The following CBLB variants were observed in gnomAD, a reference collection of about 807,000 sequenced individuals.
CBLB encodes E3 ubiquitin-protein ligase CBL-B.
CBLB carries 31 observed loss-of-function variants against 104.9 expected under a neutral mutation model. The observed-to-expected ratio is 0.30, with a 90% CI of 0.22 to 0.40. CBLB has a LOEUF of 0.40. Ranked by LOEUF, CBLB falls within the 10% of genes least tolerant of loss-of-function variation. The pLI is 1.00. For missense variants in CBLB, 1,062 were observed against 1,214.6 expected, an observed-to-expected ratio of 0.87 and a Z score of 1.87; for synonymous variants, 440 against 422.6, an observed-to-expected ratio of 1.04 and a Z score of -0.51.
chr3:105,794,133 G>C (rs1437182713), intron 3 of CBLB, among the ~76,000 whole-genome samples: 1 of 152,052 alleles, frequency 6.6e-6, no homozygotes, highest in Non-Finnish European at 1.5e-5. Context: ...AGATTTATTT[G>C]GGCATAAAAT....
chr3:105,787,276 G>A (rs1218992859), intron 3 of CBLB, among the ~76,000 whole-genome samples: 1 of 152,112 alleles, frequency 6.6e-6, no homozygotes, highest in African/African-American at 2.4e-5. Context: ...GACCTTCTTG[G>A]ATACTTGGTT....
chr3:105,675,007 G>GTTA (rs1436529591), intron 17 of CBLB, among the ~76,000 whole-genome samples: 3 of 152,188 alleles, frequency 2.0e-5, no homozygotes, highest in Non-Finnish European at 4.4e-5. Flanking sequence ...AAGTCAATGA[G>GTTA]CTATAAGGCT....
intron 3 of CBLB, among the ~76,000 whole-genome samples, chr3:105,786,268 T>G (rs563428227): frequency 1.3e-5 from 2 of 152,262 alleles, no homozygotes; most frequent in East Asian, 3.9e-4. Context: ...TTACTATGGT[T>G]TTTCTTTCTT....
rs771494601 is a variant in CBLB, at chr3:105,740,650, T to G, written c.846-19A>C. On this transcript the variant is annotated intron_variant, in intron 6 of 18. Transcript: ENST00000394030. ...AATATAGCTGCAAAACATAAGAAAA[T>G]TACATCTAATTACATTCAGAATATA... 1.9e-6 allele frequency: 3 copies of G among 1,595,404 alleles called. No homozygotes were observed. The South Asian group carries it at 3.3e-5, about 18-fold the overall frequency.
intron 8 of CBLB, 81 bp downstream of exon 8, chr3:105,737,090 A>G: frequency 1.6e-6 from 1 of 640,298 alleles, no homozygotes; most frequent in Non-Finnish European, 2.8e-6. Flanking sequence ...GCATGATTTT[A>G]ACTACACTAA....
At chr3:105,673,682 C>A (rs562726947) in intron 17 of CBLB, 21 of 152,340 alleles carry the variant, frequency 1.4e-4, no homozygotes, top group African/African-American at 4.8e-4. Context: ...TGGTTTAAAT[C>A]CTCCAGTGTC....
intron 3 of CBLB, among the ~76,000 whole-genome samples, chr3:105,793,357 T>C (rs570905872): frequency 5.3e-5 from 8 of 151,732 alleles, no homozygotes; most frequent in African/African-American, 1.9e-4. Flanking sequence ...AAGGGTAAAA[T>C]GAACTAAGGG....
intron 3 of CBLB, among the ~76,000 whole-genome samples, chr3:105,817,583 C>T (rs944274698): frequency 2.0e-5 from 3 of 152,078 alleles, no homozygotes; most frequent in Admixed American, 6.6e-5. Flanking sequence ...AAAAAACTAT[C>T]GGGAGATGCA....
intron 4 of CBLB, among the ~76,000 whole-genome samples, chr3:105,776,144 A>G (rs1022187945): frequency 4.6e-5 from 7 of 152,226 alleles, no homozygotes; most frequent in African/African-American, 1.7e-4. Context: ...TCTGCTTCTC[A>G]GAACAAACTC....
chr3:105,851,485 A>G (rs2090948137), intron 3 of CBLB, among the ~76,000 whole-genome samples: 1 of 152,238 alleles, frequency 6.6e-6, no homozygotes, highest in South Asian at 2.1e-4. Flanking sequence ...TATGGAGCAT[A>G]GAACAGCACA....
Position 105,704,170 on chromosome 3 carries a change from T to C in CBLB, c.1411A>G (p.Thr471Ala). The stretch of plus-strand genomic sequence containing the variant: ...GTGACTGGTGAGTTCTGCCTGTCAG[T>C]GCACTAGAACAGAAAAAGAGAAAGA... ...MNRLANVRKC[T>A]DRQNSPVTSP... The change falls in exon 11 of 19, where the codon ACT becomes GCT. Residue 471 changes from threonine (T) to alanine (A), a missense_variant. This residue lies in a region of CBLB where 457 missense variants were observed against 632.0 expected (regional missense o/e 0.72). Transcript: ENST00000394030. 6.2e-7 allele frequency: 1 copy of C among 1,613,924 alleles called. No individual in the cohort carries two copies. The highest frequency in any genetic ancestry group is 8.5e-7 in the Non-Finnish European group (1 of 1,179,832).
chr3:105,769,942 G>T (rs2078666166), intron 4 of CBLB, among the ~76,000 whole-genome samples: 1 of 152,198 alleles, frequency 6.6e-6, no homozygotes, highest in Admixed American at 6.5e-5. Flanking sequence ...TGCAGAGCAT[G>T]AATTTAAATT....
intron 17 of CBLB, chr3:105,670,666 C>A (rs2064973923): frequency 5.9e-6 from 2 of 337,582 alleles, no homozygotes; most frequent in Non-Finnish European, 1.1e-5. Context: ...TGTCCCAATC[C>A]AACCTGTACA....
chr3:105,861,396 C>T (rs1221366143), intron 2 of CBLB, among the ~76,000 whole-genome samples: 1 of 152,022 alleles, frequency 6.6e-6, no homozygotes, highest in Non-Finnish European at 1.5e-5. Context: ...AAATATTATG[C>T]CTTAAATCAC....
chr3:105,670,116 T>G, intron 18 of CBLB, 117 bp downstream of exon 18: 1 of 927,714 alleles, frequency 1.1e-6, no homozygotes, highest in Non-Finnish European at 1.7e-6. Flanking sequence ...ATGATCAAAA[T>G]ACTTTCTTGG....
At chr3:105,702,072 T>C (rs774289841) in intron 12 of CBLB, 22 bp downstream of exon 12, 2 of 1,613,496 alleles carry the variant, frequency 1.2e-6, no homozygotes, top group South Asian at 2.2e-5. Context: ...ATTCTCTAGC[T>C]TCTGCTTTGC....
Position 105,659,203 on chromosome 3 carries a change from G to C in CBLB, c.2716C>G (p.Pro906Ala), listed in dbSNP as rs752792548. The C allele has an allele frequency of 5.6e-6, 9 of 1,613,950 alleles. No individual in the cohort carries two copies. Among genetic ancestry groups the C allele is most frequent in the Admixed American group, 5.0e-5 (3 of 59,996 alleles). The change falls in exon 19 of 19, where the codon CCT becomes GCT. Residue 906 changes from proline (P) to alanine (A), a missense_variant. Around this residue, in one of 2 missense-constraint regions of CBLB, gnomAD observed 605 missense variants for 582.6 expected, o/e 1.04. Transcript: ENST00000394030. ...SDGSQAPARP[P>A]KPRPRRTAPE... ...GCAGTCCTGCGCGGTCGTGGTTTAG[G>C]GGGTCTGGCTGGTGCCTGTGAACCA...
Position 105,746,602 on chromosome 3 carries a change from A to G in CBLB, c.724-564T>C, listed in dbSNP as rs1056905201. 2.0e-5 allele frequency among the ~76,000 whole-genome samples: 3 copies of G among 152,088 alleles called. No homozygotes were observed. In the South Asian group the frequency reaches 6.2e-4, roughly 32 times the overall value. Reference sequence around the variant, plus strand: ...TTTTCTTCCCCCAAATATCCATCTCATTCCTGTCTCCAAATGTCACTTCCT... The same window carrying G: ...TTTTCTTCCCCCAAATATCCATCTCGTTCCTGTCTCCAAATGTCACTTCCT... On this transcript the variant is annotated intron_variant, in intron 5 of 18. Transcript: ENST00000394030.
chr3:105,702,996 TA>T (rs1348120584), intron 11 of CBLB, among the ~76,000 whole-genome samples: 2 of 152,224 alleles, frequency 1.3e-5, no homozygotes. Context: ...ACCAGAATAG[TA>T]AAAGATCACA....
Sources: gnomAD v4.1 joint callset for allele counts (sites outside exome capture counted in the v4.1 genomes callset) on GRCh38, gnomAD v4.1.1 for gene constraint, gnomAD v4.1.1 regional missense constraint, MANE v1.5 for transcripts, NCBI Gene and HGNC (gene_info 2026-07-23, HGNC 2026-07-21) for gene names.